ADGRB3: variants seen among roughly 807,000 people sequenced by gnomAD.
ADGRB3 encodes the protein adhesion G protein-coupled receptor B3.
Under a neutral mutation model 193.4 loss-of-function variants are expected in ADGRB3, and 37 were observed. The ratio of observed to expected loss-of-function variants is 0.19; its 90% CI spans 0.15 to 0.25. ADGRB3 has a LOEUF of 0.25. Ranked by LOEUF, ADGRB3 falls within the 10% of genes least tolerant of loss-of-function variation. The pLI is 1.00. For synonymous variants in ADGRB3, 690 were observed against 644.2 expected, an observed-to-expected ratio of 1.07 and a Z score of -1.08; for missense variants, 1,637 against 1,852.9, an observed-to-expected ratio of 0.88 and a Z score of 2.14.
At chr6:69,280,083 C>A (rs1351276220) in intron 20 of ADGRB3, among the ~76,000 whole-genome samples, 1 of 152,112 alleles carries the variant, frequency 6.6e-6, no homozygotes, top group African/African-American at 2.4e-5. Flanking sequence ...ACAGCCAGAG[C>A]AAGGAGGAAG....
intron 17 of ADGRB3, among the ~76,000 whole-genome samples, chr6:69,157,562 T>G (rs1774875637): frequency 6.6e-6 from 1 of 152,138 alleles, no homozygotes; most frequent in Admixed American, 6.5e-5. Flanking sequence ...ATTTCTGGGT[T>G]TGGTCCTGTG....
At chr6:69,264,970 C>G (rs764044836) in intron 20 of ADGRB3, among the ~76,000 whole-genome samples, 1 of 151,898 alleles carries the variant, frequency 6.6e-6, no homozygotes, top group African/African-American at 2.4e-5. Context: ...CCTTCTTTCT[C>G]TCTCTCTGTT....
chr6:69,343,824 A>G (rs571793906), intron 26 of ADGRB3, among the ~76,000 whole-genome samples: 1 of 152,324 alleles, frequency 6.6e-6, no homozygotes, highest in East Asian at 1.9e-4. Flanking sequence ...TATGTTTAAC[A>G]GCTAATAAGA....
chr6:69,300,416 A>G (rs1767924764), intron 20 of ADGRB3, among the ~76,000 whole-genome samples: 1 of 151,824 alleles, frequency 6.6e-6, no homozygotes, highest in Non-Finnish European at 1.5e-5. Context: ...ACAAACAAGT[A>G]TGCCCACTTT....
At chr6:69,125,241 T>G (rs1457999998) in intron 17 of ADGRB3, among the ~76,000 whole-genome samples, 1 of 152,150 alleles carries the variant, frequency 6.6e-6, no homozygotes, top group East Asian at 1.9e-4. Context: ...CTATTCCTCT[T>G]CTTACTTCAG....
chr6:68,952,236 T>C (rs1767947255), intron 6 of ADGRB3, among the ~76,000 whole-genome samples: 2 of 152,018 alleles, frequency 1.3e-5, no homozygotes, highest in Non-Finnish European at 2.9e-5. Context: ...AATCCATTAA[T>C]AATTTTTTTT....
At chr6:69,248,372 A>G (rs905948957) in intron 20 of ADGRB3, among the ~76,000 whole-genome samples, 1 of 152,238 alleles carries the variant, frequency 6.6e-6, no homozygotes, top group African/African-American at 2.4e-5. Flanking sequence ...CCCTTGAGAT[A>G]AGATTACAAT....
At chr6:68,790,020 T>A (rs1485273315) in intron 3 of ADGRB3, among the ~76,000 whole-genome samples, 6 of 152,232 alleles carry the variant, frequency 3.9e-5, no homozygotes, top group African/African-American at 1.4e-4. Context: ...CTTTAAGGAC[T>A]TCTCTGCATT....
intron 17 of ADGRB3, 97 bp downstream of exon 17, chr6:69,076,135 G>T: frequency 9.7e-7 from 1 of 1,026,348 alleles, no homozygotes; most frequent in South Asian, 1.4e-5. Context: ...ATATAAGTCA[G>T]TGGGATGTTG....
intron 20 of ADGRB3, among the ~76,000 whole-genome samples, chr6:69,244,680 G>A (rs559809361): frequency 4.6e-5 from 7 of 152,016 alleles, no homozygotes; most frequent in African/African-American, 1.4e-4. Flanking sequence ...TTAAGAGAAG[G>A]TATTGTAAGC....
intron 15 of ADGRB3, among the ~76,000 whole-genome samples, chr6:69,052,425 A>G (rs537437887): frequency 1.7e-4 from 26 of 152,370 alleles, no homozygotes; most frequent in African/African-American, 5.8e-4. Context: ...TATAAAATAT[A>G]TTCCTTGTTG....
In ADGRB3 at chr6:69,076,761, G is replaced by C. The variant is rs546561069; in HGVS notation, c.2480+723G>C. Among the ~76,000 whole-genome samples the C allele has an allele frequency of 8.0e-4, 121 of 151,870 alleles. No individual in the cohort carries two copies. In the Middle Eastern group the frequency reaches 0.01, roughly 13 times the overall value. Reference sequence around the variant, plus strand: ...GCTTATAACTTTTATTTTTTTGCTTGGTTTGATTTTGCATGAGGGGAGATA... The same window carrying C: ...GCTTATAACTTTTATTTTTTTGCTTCGTTTGATTTTGCATGAGGGGAGATA... On this transcript the variant is annotated intron_variant, in intron 17 of 31. Coordinates refer to ENST00000370598, the MANE Select transcript of ADGRB3 (RefSeq NM_001704.3).
At chr6:68,679,216 T>C (rs1764835037) in intron 3 of ADGRB3, among the ~76,000 whole-genome samples, 1 of 152,174 alleles carries the variant, frequency 6.6e-6, no homozygotes, top group Non-Finnish European at 1.5e-5. Flanking sequence ...TTTGCTGCTG[T>C]AATAAACCCC....
intron 3 of ADGRB3, among the ~76,000 whole-genome samples, chr6:68,754,218 G>A (rs1226753904): frequency 6.6e-6 from 1 of 152,196 alleles, no homozygotes; most frequent in Non-Finnish European, 1.5e-5. Context: ...AGTTAGGCAG[G>A]ATAGTGTTAT....
intron 17 of ADGRB3, among the ~76,000 whole-genome samples, chr6:69,185,246 A>G (rs1017682560): frequency 3.3e-5 from 5 of 152,144 alleles, no homozygotes; most frequent in Non-Finnish European, 7.4e-5. Context: ...CATATTGAAA[A>G]AAATGCAGGT....
At chr6:69,365,537 T>A (rs1582659675) in intron 29 of ADGRB3, among the ~76,000 whole-genome samples, 1 of 152,068 alleles carries the variant, frequency 6.6e-6, no homozygotes, top group South Asian at 2.1e-4. Context: ...ACACCTTAAG[T>A]GGTTTCTGTT....
intron 3 of ADGRB3, among the ~76,000 whole-genome samples, chr6:68,844,145 G>T (rs1327576202): frequency 6.6e-6 from 1 of 152,026 alleles, no homozygotes; most frequent in East Asian, 1.9e-4. Context: ...CACAAGTAGA[G>T]GCAACCAAAG....
intron 17 of ADGRB3, among the ~76,000 whole-genome samples, chr6:69,183,196 A>G (rs988774487): frequency 1.3e-5 from 2 of 152,016 alleles, no homozygotes; most frequent in Non-Finnish European, 2.9e-5. Flanking sequence ...TAAATTTGAA[A>G]TTTCTTAGTG....
chr6:69,224,129 TC>T (rs1235252575), intron 17 of ADGRB3, among the ~76,000 whole-genome samples: 1 of 152,152 alleles, frequency 6.6e-6, no homozygotes, highest in Non-Finnish European at 1.5e-5. Context: ...TCATGTTTTT[TC>T]ATGTGTATTT....
Sources: allele counts gnomAD v4.1 joint callset (sites outside exome capture counted in the v4.1 genomes callset), GRCh38; gene constraint gnomAD v4.1.1; transcripts MANE v1.5; gene names NCBI Gene and HGNC (gene_info 2026-07-23, HGNC 2026-07-21).